The following ZNF322 variants were observed in gnomAD, a reference collection of about 807,000 sequenced individuals.
ZNF322 encodes the protein HLA complex group 12.
Under a neutral mutation model 18.3 loss-of-function variants are expected in ZNF322, and 1 was observed. The observed-to-expected ratio is 0.05, with a 90% confidence interval of 0.02 to 0.26. The LOEUF (loss-of-function observed/expected upper bound fraction) is 0.26. ZNF322 is among the 10% of genes least tolerant of loss of function. The probability of loss-of-function intolerance (pLI) is 1.00; values close to 1 mark genes in which losing one functional copy is unlikely to be tolerated. For synonymous variants in ZNF322, 17 were observed against 130.7 expected, an observed-to-expected ratio of 0.13 and a Z score of 5.93; for missense variants, 36 against 403.6, an observed-to-expected ratio of 0.09 and a Z score of 7.80.
chr6:26,645,404 C>T (rs782518934), intron 2 of ZNF322, among the ~76,000 whole-genome samples: 1 of 151,766 alleles, frequency 6.6e-6, no homozygotes, highest in Non-Finnish European at 1.5e-5. Context: ...CAAGACTGAC[C>T]TAAAATTCAT....
Position 26,638,727 on chromosome 6 carries a change from C to T in ZNF322, c.-174G>A. ...TTAATTCCTTACTTGGTATTTCCAACCCTGTGAGACAAAGTAGAAATATTA... is the reference window on the plus strand; with the variant it reads ...TTAATTCCTTACTTGGTATTTCCAATCCTGTGAGACAAAGTAGAAATATTA... On this transcript the variant is annotated splice_region_variant and 5_prime_UTR_variant, in exon 4 of 4. Transcript: ENST00000415922. 1 of 1,012,926 alleles carries T rather than the reference C, an allele frequency of 9.9e-7. No homozygotes were observed. The highest frequency in any genetic ancestry group is 1.8e-5 in the South Asian group (1 of 56,508). 62.7% of individuals were successfully genotyped at this position (1,012,926 alleles called of 1,614,324 possible).
rs1477792230 is a variant in ZNF322 at position 26,634,787 on chromosome 6, T to C, written c.*2558A>G. 43 of 42,870 alleles carry C rather than the reference T, an allele frequency of 1.0e-3. No homozygotes were observed. Among genetic ancestry groups the C allele is most frequent in the Non-Finnish European group, 4.2e-4 (9 of 21,406 alleles). 2.7% of individuals were successfully genotyped at this position (42,870 alleles called of 1,614,324 possible). A position where few individuals can be genotyped will look rare whatever the true frequency, so the allele number is the denominator to read the frequency against. On this transcript the variant is annotated 3_prime_UTR_variant, in exon 4 of 4. Coordinates refer to ENST00000415922, the MANE Select transcript of ZNF322 (RefSeq NM_024639.5). The stretch of plus-strand genomic sequence containing the variant: ...ATCAGTTGAAAGAAGGGTCAAGTCA[T>C]TGCCCTGTTAATGATACCAACTTTG...
At chr6:26,641,874 G>A (rs989933473) in intron 3 of ZNF322, among the ~76,000 whole-genome samples, 1 of 152,180 alleles carries the variant, frequency 6.6e-6, no homozygotes, top group Non-Finnish European at 1.5e-5. Flanking sequence ...CTCGTGGGAA[G>A]GGAAAGATCT....
chr6:26,645,996 A>G (rs1347857106), intron 2 of ZNF322, among the ~76,000 whole-genome samples: 1 of 151,968 alleles, frequency 6.6e-6, no homozygotes, highest in Non-Finnish European at 1.5e-5. Context: ...AGGCCATTGC[A>G]CTCCAGCCTG....
intron 3 of ZNF322, among the ~76,000 whole-genome samples, chr6:26,641,635 G>A (rs113574126): frequency 0.041 from 6,238 of 152,226 alleles, 232 homozygotes; most frequent in African/African-American, 0.11. Flanking sequence ...CCCTGTGCTC[G>A]CAGAAACATG....
intron 3 of ZNF322, among the ~76,000 whole-genome samples, chr6:26,641,137 T>C (rs1210740718): frequency 6.6e-6 from 1 of 152,118 alleles, no homozygotes; most frequent in Non-Finnish European, 1.5e-5. Flanking sequence ...GCAATTTGTA[T>C]GCTTTCCTTG....
rs368550365 is a variant in ZNF322, at chr6:26,638,494, T to C, written c.60A>G (p.Val20=). The C allele has an allele frequency of 5.6e-6, 9 of 1,610,070 alleles. No homozygotes were observed. The highest frequency in any genetic ancestry group is 6.8e-6 in the Non-Finnish European group (8 of 1,177,654). Residue 20 remains valine, a synonymous_variant, in exon 4 of 4, where the codon GTA becomes GTG. Transcript: ENST00000415922. ...QRTQKRKIYN[V]CPRKGKKIFI... ...AAATCTTTTTACCCTTCCGAGGGCATACATTATATATTTTCCTTTTTTGAG... is the reference window on the plus strand; with the variant it reads ...AAATCTTTTTACCCTTCCGAGGGCACACATTATATATTTTCCTTTTTTGAG...
chr6:26,659,694 G>A lies in ZNF322; in HGVS notation c.-588C>T, dbSNP rs1271725096. ...AACAGAGCGCTTCAAGGGCCCACAA[G>A]GCCGGCTACGCAAACCCTTTCAAGC... On this transcript the variant is annotated 5_prime_UTR_variant, in exon 1 of 4. Transcript: ENST00000415922. 2.5e-5 allele frequency: 4 copies of A among 159,138 alleles called. No individual in the cohort carries two copies. The highest frequency in any genetic ancestry group is 4.8e-5 in the African/African-American group (2 of 41,482). The allele number at this position is 159,138 out of a possible 1,614,324, so 9.9% of individuals were successfully genotyped here.
chr6:26,640,559 CA>C (rs1765448635), intron 3 of ZNF322, among the ~76,000 whole-genome samples: 1 of 152,146 alleles, frequency 6.6e-6, no homozygotes, highest in African/African-American at 2.4e-5. Flanking sequence ...CATTTCCAAC[CA>C]CCCTATTCTA....
chr6:26,639,765 A>G (rs543325965), intron 3 of ZNF322, among the ~76,000 whole-genome samples: 11 of 152,266 alleles, frequency 7.2e-5, no homozygotes, highest in African/African-American at 2.4e-4. Context: ...CTGTCACCTA[A>G]AGAGTATAAC....
chr6:26,658,098 T>G (rs1334179060), intron 2 of ZNF322, among the ~76,000 whole-genome samples: 1 of 152,092 alleles, frequency 6.6e-6, no homozygotes, highest in African/African-American at 2.4e-5. Flanking sequence ...TTTTCATTGA[T>G]TACATGGATT....
At chr6:26,650,115 G>C (rs782458679) in intron 2 of ZNF322, among the ~76,000 whole-genome samples, 7 of 152,028 alleles carry the variant, frequency 4.6e-5, no homozygotes, top group Non-Finnish European at 1.0e-4. Context: ...AATATATAAA[G>C]ATCTCTTAAA....
At chr6:26,642,075 G>A (rs1267728981) in intron 3 of ZNF322, among the ~76,000 whole-genome samples, 5 of 152,232 alleles carry the variant, frequency 3.3e-5, no homozygotes, top group African/African-American at 1.2e-4. Flanking sequence ...CTTATGGCTG[G>A]AGGTGAGACA....
At chr6:26,641,945 A>G (rs782388001) in intron 3 of ZNF322, among the ~76,000 whole-genome samples, 7 of 151,918 alleles carry the variant, frequency 4.6e-5, no homozygotes, top group Admixed American at 6.6e-5. Context: ...GTGAAAGAAG[A>G]AGGCCTCTTT....
intron 2 of ZNF322, among the ~76,000 whole-genome samples, chr6:26,647,054 A>G (rs889891238): frequency 6.6e-6 from 1 of 152,170 alleles, no homozygotes; most frequent in African/African-American, 2.4e-5. Flanking sequence ...TTAAATTCTT[A>G]GATCAAAAGC....
rs149907948 is a variant in ZNF322, at chr6:26,647,775, G to A, written c.-245-4047C>T. On this transcript the variant is annotated intron_variant, in intron 2 of 3. Transcript: ENST00000415922. ...CTTCATACATATTTTCCAGAGCACC[G>A]AAAATGAAGCACAACTTCCTAATTC... Among the ~76,000 whole-genome samples the A allele has an allele frequency of 7.1e-3, 1,075 of 151,762 alleles. 13 individuals carry two copies. The highest frequency in any genetic ancestry group is 0.024 in the African/African-American group (1,009 of 41,366).
chr6:26,646,500 T>A (rs782772859), intron 2 of ZNF322, among the ~76,000 whole-genome samples: 1 of 152,076 alleles, frequency 6.6e-6, no homozygotes, highest in Non-Finnish European at 1.5e-5. Context: ...TATCTATGTA[T>A]CACATTACAC....
chr6:26,655,851 A>C (rs1554149642), intron 2 of ZNF322, among the ~76,000 whole-genome samples: 2 of 152,152 alleles, frequency 1.3e-5, no homozygotes. Context: ...CACAGCAAGA[A>C]GGCTCTCACT....
rs1483543567 is a variant in ZNF322 at position 26,635,265 on chromosome 6, C to T, written c.*2080G>A. The T allele has an allele frequency of 3.7e-4, 14 of 37,724 alleles. No individual in the cohort carries two copies. Among genetic ancestry groups the T allele is most frequent in the Admixed American group, 2.3e-3 (7 of 3,098 alleles). 2.3% of individuals were successfully genotyped at this position (37,724 alleles called of 1,614,324 possible). ...AGTTCAGGGATCTGCTAGGACAAAT[C>T]AAACCAAAATCAGAGGATTTGGACT... On this transcript the variant is annotated 3_prime_UTR_variant, in exon 4 of 4. Transcript: ENST00000415922.
Sources: allele counts gnomAD v4.1 joint callset (sites outside exome capture counted in the v4.1 genomes callset), GRCh38; gene constraint gnomAD v4.1.1; transcripts MANE v1.5; gene names NCBI Gene and HGNC (gene_info 2026-07-23, HGNC 2026-07-21).